The following RBM47 variants were observed in gnomAD, a reference collection of about 807,000 sequenced individuals.
RBM47 encodes the protein RNA-binding protein 47.
RBM47 carries 21 observed loss-of-function variants against 47.1 expected under a neutral mutation model. The ratio of observed to expected loss-of-function variants is 0.45; its 90% CI spans 0.32 to 0.64. The LOEUF (loss-of-function observed/expected upper bound fraction) is 0.64, where lower values mean the gene tolerates loss of function less well. Ranked by LOEUF, RBM47 falls within the 30% of genes least tolerant of loss-of-function variation. RBM47 has a pLI of 0.05. For missense variants in RBM47, 708 were observed against 870.9 expected, an observed-to-expected ratio of 0.81 and a Z score of 2.35; for synonymous variants, 375 against 361.7, an observed-to-expected ratio of 1.04 and a Z score of -0.42.
intron 1 of RBM47, among the ~76,000 whole-genome samples, chr4:40,619,098 G>A (rs115489183): frequency 0.013 from 2,041 of 152,092 alleles, 15 homozygotes; most frequent in Middle Eastern, 0.031. Flanking sequence ...ATCCCATGCA[G>A]GCCACTGGCT....
At position 40,438,261 on chromosome 4, in the gene RBM47, G is replaced by A. The variant is rs776596659; in HGVS notation, c.633C>T (p.Arg211=). The A allele has an allele frequency of 1.2e-6, 2 of 1,603,874 alleles. No homozygotes were observed. Among genetic ancestry groups the A allele is most frequent in the Admixed American group, 1.7e-5 (1 of 60,014 alleles). The change falls in exon 4 of 7, where the codon CGC becomes CGT. Residue 211 remains arginine (R), a synonymous_variant. Transcript: ENST00000295971. ...GGATGCGGCCAGGCATGAGCTTGCG[G>A]CGAGCCATGGCAGCCGCGCGGTGGC... ...YESHRAAAMA[R]RKLMPGRIQL...
At chr4:40,613,842 C>G (rs1341216544) in intron 1 of RBM47, among the ~76,000 whole-genome samples, 4 of 151,048 alleles carry the variant, frequency 2.6e-5, no homozygotes, top group African/African-American at 9.7e-5. Flanking sequence ...CTGTGGAGAA[C>G]AGTCTAGAAT....
intron 3 of RBM47, among the ~76,000 whole-genome samples, chr4:40,454,205 T>C (rs35403983): frequency 0.15 from 22,588 of 152,222 alleles, 1,782 homozygotes; most frequent in Admixed American, 0.2. Context: ...TCTGGACCTT[T>C]ACTGCAAACA....
chr4:40,548,414 C>G (rs143769408), intron 1 of RBM47, among the ~76,000 whole-genome samples: 1 of 152,132 alleles, frequency 6.6e-6, no homozygotes, highest in Non-Finnish European at 1.5e-5. Context: ...AGGGAGCCAT[C>G]GGAGAATTTT....
chr4:40,601,349 C>G (rs753419400), intron 1 of RBM47, among the ~76,000 whole-genome samples: 5 of 152,102 alleles, frequency 3.3e-5, no homozygotes, highest in South Asian at 2.1e-4. Context: ...TCATGACTAT[C>G]GCTAATGTTG....
intron 3 of RBM47, among the ~76,000 whole-genome samples, chr4:40,450,998 A>G (rs746427681): frequency 2.0e-5 from 3 of 152,030 alleles, no homozygotes; most frequent in Non-Finnish European, 4.4e-5. Flanking sequence ...AGAAGTTGTT[A>G]TTTTCTACAG....
chr4:40,466,265 C>CAAAAAAA (rs55805915), intron 3 of RBM47, among the ~76,000 whole-genome samples: 12 of 91,652 alleles, frequency 1.3e-4, no homozygotes, highest in Non-Finnish European at 2.0e-4. Context: ...GAGACTGTCT[C>CAAAAAAA]AAAAAAAAAA....
intron 3 of RBM47, among the ~76,000 whole-genome samples, chr4:40,464,306 G>A (rs571498139): frequency 2.0e-5 from 3 of 152,284 alleles, no homozygotes; most frequent in African/African-American, 7.2e-5. Context: ...GTGGATGCCT[G>A]AAACCTCTGA....
intron 1 of RBM47, among the ~76,000 whole-genome samples, chr4:40,565,940 C>T (rs1019483165): frequency 6.6e-6 from 1 of 151,928 alleles, no homozygotes; most frequent in Non-Finnish European, 1.5e-5. Context: ...CGGTGGCACA[C>T]GCCTGAAGTC....
chr4:40,512,641 G>A (rs1306398146), intron 2 of RBM47, among the ~76,000 whole-genome samples: 3 of 150,232 alleles, frequency 2.0e-5, no homozygotes, highest in African/African-American at 4.9e-5. Context: ...CTTGAACCCC[G>A]GAGGCAGAGG....
At chr4:40,527,996 G>A (rs1726916365) in intron 2 of RBM47, among the ~76,000 whole-genome samples, 1 of 152,154 alleles carries the variant, frequency 6.6e-6, no homozygotes, top group South Asian at 2.1e-4. Flanking sequence ...CTTTAATGGT[G>A]CACTGCCCAT....
At chr4:40,511,268 C>T (rs1355465638) in intron 2 of RBM47, among the ~76,000 whole-genome samples, 1 of 152,232 alleles carries the variant, frequency 6.6e-6, no homozygotes, top group Non-Finnish European at 1.5e-5. Context: ...GAAAAGACAG[C>T]AGGCCTGCCT....
At chr4:40,574,071 G>A (rs1732056304) in intron 1 of RBM47, among the ~76,000 whole-genome samples, 3 of 152,156 alleles carry the variant, frequency 2.0e-5, no homozygotes. Context: ...TAAATAATGA[G>A]GAAGAACAGG....
chr4:40,547,836 TATG>T (rs1729175127), intron 1 of RBM47, among the ~76,000 whole-genome samples: 1 of 152,244 alleles, frequency 6.6e-6, no homozygotes, highest in South Asian at 2.1e-4. Context: ...ACCATTACAG[TATG>T]ATATTTAAAA....
At position 40,629,512 on chromosome 4, in the gene RBM47, T is replaced by G. The variant is rs1738036171; in HGVS notation, c.-356A>C. The G allele has an allele frequency of 6.6e-6, 1 of 152,186 alleles. No homozygotes were observed. Among genetic ancestry groups the G allele is most frequent in the Non-Finnish European group, 1.5e-5 (1 of 68,040 alleles). 9.4% of individuals were successfully genotyped at this position (152,186 alleles called of 1,614,324 possible). On this transcript the variant is annotated 5_prime_UTR_variant, in exon 1 of 7. Transcript: ENST00000295971. ...CAACATCTTCTCGTCCGCCTTCTTT[T>G]TAATGTAAAACCAAAATAAGGAGTG...
intron 1 of RBM47, among the ~76,000 whole-genome samples, chr4:40,616,349 G>A (rs1736721860): frequency 8.2e-6 from 1 of 121,802 alleles, no homozygotes; most frequent in East Asian, 2.4e-4. Context: ...GCGAGACTCT[G>A]TCTCAAAAAA....
chr4:40,437,067 C>G (rs1232204475), intron 4 of RBM47, among the ~76,000 whole-genome samples: 2 of 51,172 alleles, frequency 3.9e-5, no homozygotes, highest in Non-Finnish European at 6.4e-5. Flanking sequence ...TGGTGAGACC[C>G]TGTCTCAAAA....
At position 40,501,085 on chromosome 4, in the gene RBM47, G is replaced by A. The variant is rs117387046; in HGVS notation, c.-154-34386C>T. On this transcript the variant is annotated intron_variant, in intron 2 of 6. Coordinates refer to ENST00000295971, the MANE Select transcript of RBM47 (RefSeq NM_001098634.2). ...ACAGCAATATAAAACAAGCGATCCC[G>A]GGTGACTGAAGTTTTAACTCAGAGT... Among the ~76,000 whole-genome samples the A allele has an allele frequency of 4.2e-4, 64 of 151,994 alleles. No homozygotes were observed. The East Asian group carries it at 0.011, about 26-fold the overall frequency.
At chr4:40,452,961 A>G (rs932071066) in intron 3 of RBM47, among the ~76,000 whole-genome samples, 2 of 149,666 alleles carry the variant, frequency 1.3e-5, no homozygotes, top group Non-Finnish European at 2.9e-5. Context: ...CTCCTGCCTC[A>G]GCCTCCCGAG....
Sources: allele counts gnomAD v4.1 joint callset (sites outside exome capture counted in the v4.1 genomes callset), GRCh38; gene constraint gnomAD v4.1.1; transcripts MANE v1.5; gene names NCBI Gene and HGNC (gene_info 2026-07-23, HGNC 2026-07-21).